UNC5B: variants seen among roughly 807,000 people sequenced by gnomAD.
The protein encoded by UNC5B is unc-5 netrin receptor B, also known as netrin receptor UNC5B.
A neutral mutation model predicts 103.7 loss-of-function variants in UNC5B; 56 were observed. The ratio of observed to expected loss-of-function variants is 0.54; its 90% CI spans 0.44 to 0.67. The LOEUF is 0.67. UNC5B is among the 30% of genes least tolerant of loss of function. The pLI is 0.00. For missense variants in UNC5B, 1,194 were observed against 1,284.5 expected (o/e 0.93, Z 1.08); for synonymous variants, 577 against 542.0 (o/e 1.06, Z -0.90).
At chr10:71,219,459 G>A (rs746957418) in intron 1 of UNC5B, among the ~76,000 whole-genome samples, 1 of 152,164 alleles carries the variant, frequency 6.6e-6, no homozygotes, top group East Asian at 1.9e-4. Context: ...TAGGCTGGGA[G>A]GCTAGGCCAG....
chr10:71,217,377 C>T (rs535147843), intron 1 of UNC5B: 3 of 152,406 alleles, frequency 2.0e-5, no homozygotes, highest in Non-Finnish European at 4.4e-5. Context: ...CGCCACCTCC[C>T]GCCCCCTTAG....
At chr10:71,241,777 G>A (rs1026065588) in intron 1 of UNC5B, among the ~76,000 whole-genome samples, 9 of 152,058 alleles carry the variant, frequency 5.9e-5, no homozygotes, top group African/African-American at 1.2e-4. Flanking sequence ...TCTAAGTGCC[G>A]CCCAAGGACG....
chr10:71,269,352 C>A (rs1187793612), intron 1 of UNC5B, among the ~76,000 whole-genome samples: 3 of 145,572 alleles, frequency 2.1e-5, no homozygotes, highest in African/African-American at 7.5e-5. Context: ...GTCCCCCCCC[C>A]ACAACTTCTC....
intron 1 of UNC5B, among the ~76,000 whole-genome samples, chr10:71,254,981 A>C (rs1844258080): frequency 6.6e-6 from 1 of 152,214 alleles, no homozygotes; most frequent in Non-Finnish European, 1.5e-5. Context: ...TACTACTTGC[A>C]TATTCGTGTG....
Position 71,292,422 on chromosome 10 carries a change from T to C in UNC5B, c.1685-45T>C, listed in dbSNP as rs762908128. The C allele has an allele frequency of 1.3e-5, 20 of 1,516,100 alleles. 1 individual carries two copies. The Admixed American group carries it at 2.5e-4, about 19-fold the overall frequency. 93.9% of individuals were successfully genotyped at this position (1,516,100 alleles called of 1,614,324 possible). On this transcript the variant is annotated intron_variant, in intron 10 of 16. Coordinates refer to ENST00000335350, the MANE Select transcript of UNC5B (RefSeq NM_170744.5). Reference sequence around the variant, plus strand: ...TGGGGCCAACTTCCCAAACACTTGTTCTCCTAAGCTCCTGGACTCCCTGCT... The same window carrying C: ...TGGGGCCAACTTCCCAAACACTTGTCCTCCTAAGCTCCTGGACTCCCTGCT...
intron 1 of UNC5B, among the ~76,000 whole-genome samples, chr10:71,247,553 A>G (rs1311116015): frequency 6.6e-6 from 1 of 152,084 alleles, no homozygotes; most frequent in African/African-American, 2.4e-5. Context: ...TCACCTTCTG[A>G]GCTCCCAGAC....
chr10:71,283,373 C>T (rs1844980952), intron 2 of UNC5B, among the ~76,000 whole-genome samples: 2 of 152,188 alleles, frequency 1.3e-5, no homozygotes, highest in South Asian at 4.1e-4. Flanking sequence ...CTAGAGTTTA[C>T]CTTGAGAGTT....
intron 1 of UNC5B, among the ~76,000 whole-genome samples, chr10:71,219,074 A>T (rs1442688196): frequency 6.6e-6 from 1 of 152,200 alleles, no homozygotes; most frequent in African/African-American, 2.4e-5. Context: ...GTTCTGGAGC[A>T]GGGAGGCCTA....
intron 13 of UNC5B, among the ~76,000 whole-genome samples, chr10:71,294,566 G>A (rs1358857211): frequency 6.6e-6 from 1 of 152,082 alleles, no homozygotes; most frequent in Non-Finnish European, 1.5e-5. Flanking sequence ...TGGGCCACAG[G>A]GAGTGACAGC....
At chr10:71,297,878 C>T in intron 15 of UNC5B, 31 bp from the exon 16 acceptor site, 1 of 1,591,708 alleles carries the variant, frequency 6.3e-7, no homozygotes, top group South Asian at 1.1e-5. Flanking sequence ...CAGCACTGTG[C>T]CCCTCTCACT....
intron 1 of UNC5B, among the ~76,000 whole-genome samples, chr10:71,225,420 G>A (rs568140388): frequency 1.8e-4 from 27 of 152,080 alleles, no homozygotes; most frequent in Admixed American, 3.3e-4. Flanking sequence ...CACAGCTGTT[G>A]AGCTAAGTGA....
In UNC5B at chr10:71,212,755, C is replaced by A. The variant is rs910246695; in HGVS notation, c.-231C>A. On this transcript the variant is annotated 5_prime_UTR_variant, in exon 1 of 17. Coordinates refer to ENST00000335350, the MANE Select transcript of UNC5B (RefSeq NM_170744.5). ...GCTCAGAGACCCGGAGCCAGAGGGG[C>A]GCGCCGGAGCCTCGTTCGAGAGCCG... 2.9e-6 allele frequency: 1 copy of A among 349,446 alleles called. No individual in the cohort carries two copies. Among genetic ancestry groups the A allele is most frequent in the Non-Finnish European group, 5.1e-6 (1 of 194,946 alleles). The allele number at this position is 349,446 out of a possible 1,614,324, so 21.6% of individuals were successfully genotyped here.
intron 1 of UNC5B, among the ~76,000 whole-genome samples, chr10:71,228,832 G>A (rs940575070): frequency 1.3e-4 from 20 of 152,178 alleles, no homozygotes; most frequent in Admixed American, 2.6e-4. Flanking sequence ...GAAGGTCTTA[G>A]CAGAAGAGCA....
intron 1 of UNC5B, among the ~76,000 whole-genome samples, chr10:71,267,641 G>A (rs1337514380): frequency 6.6e-6 from 1 of 152,214 alleles, no homozygotes; most frequent in Non-Finnish European, 1.5e-5. Context: ...CACAGGCATG[G>A]TCAAGAGGAG....
chr10:71,215,653 TCTC>T (rs374925877), intron 1 of UNC5B, among the ~76,000 whole-genome samples: 231 of 152,132 alleles, frequency 1.5e-3, no homozygotes, highest in African/African-American at 5.4e-3. Flanking sequence ...GCCCTGGAAA[TCTC>T]CTCCCACCCC....
chr10:71,293,315 C>T (rs918442253), intron 11 of UNC5B, 90 bp from the exon 12 acceptor site: 7 of 1,450,494 alleles, frequency 4.8e-6, no homozygotes, highest in African/African-American at 4.3e-5. Context: ...CTCCACCTCC[C>T]GGGCCCTGGG....
chr10:71,242,828 ACTCT>A (rs1273066851), intron 1 of UNC5B, among the ~76,000 whole-genome samples: 1 of 151,574 alleles, frequency 6.6e-6, no homozygotes, highest in African/African-American at 2.4e-5. Flanking sequence ...CCACGGTGTC[ACTCT>A]CTCTGTCCTG....
At chr10:71,214,336 C>A (rs1843291693) in intron 1 of UNC5B, among the ~76,000 whole-genome samples, 1 of 152,030 alleles carries the variant, frequency 6.6e-6, no homozygotes, top group Non-Finnish European at 1.5e-5. Context: ...TTAGCACATT[C>A]CCCACTTTTT....
chr10:71,293,773 T>A lies in UNC5B; in HGVS notation c.2015T>A (p.Ile672Asn). 6.2e-7 allele frequency: 1 copy of A among 1,601,170 alleles called. No homozygotes were observed. The highest frequency in any genetic ancestry group is 8.5e-7 in the Non-Finnish European group (1 of 1,174,120). Residue 672 changes from isoleucine to asparagine, a missense_variant, in exon 13 of 17, where the codon ATC (isoleucine) becomes AAC (asparagine). Coordinates refer to ENST00000335350, the MANE Select transcript of UNC5B (RefSeq NM_170744.5). ...CAGCTGGAGCCCAGGGCCTGTCACATCCTGCTGGACCAGCTGGGCACCTAC... is the reference window on the plus strand; with the variant it reads ...CAGCTGGAGCCCAGGGCCTGTCACAACCTGCTGGACCAGCTGGGCACCTAC... ...YCQLEPRACH[I>N]LLDQLGTYVF...
Sources: allele counts gnomAD v4.1 joint callset (sites outside exome capture counted in the v4.1 genomes callset), GRCh38; gene constraint gnomAD v4.1.1; transcripts MANE v1.5; gene names NCBI Gene and HGNC (gene_info 2026-07-23, HGNC 2026-07-21).